GNB4: variants seen among roughly 807,000 people sequenced by gnomAD.
The protein encoded by GNB4 is guanine nucleotide-binding protein subunit beta-4.
A neutral mutation model predicts 45.2 loss-of-function variants in GNB4; 28 were observed. That is an observed-to-expected ratio of 0.62 (90% CI 0.46 to 0.85). The LOEUF (loss-of-function observed/expected upper bound fraction) is 0.85, where lower values mean the gene tolerates loss of function less well. GNB4 is among the 40% of genes least tolerant of loss of function. The pLI is 0.00. For synonymous variants in GNB4, 132 were observed against 143.7 expected, an observed-to-expected ratio of 0.92 and a Z score of 0.58; for missense variants, 321 against 425.4, an observed-to-expected ratio of 0.75 and a Z score of 2.16.
chr3:179,399,765 GAAAAGTAACTAAGTTAC>G lies in GNB4; in HGVS notation c.*1431_*1447del, dbSNP rs1714230499. The G allele has an allele frequency of 6.6e-6, 1 of 152,146 alleles. No individual in the cohort carries two copies. The highest frequency in any genetic ancestry group is 1.9e-4 in the East Asian group (1 of 5,202). 9.4% of individuals were successfully genotyped at this position (152,146 alleles called of 1,614,324 possible). A position where few individuals can be genotyped will look rare whatever the true frequency, so the allele number is the denominator to read the frequency against. ...TTCAAAAGTTAACACAGACCTATCT[GAAAAGTAACTAAGTTAC>G]AAAACAATGCACGTCTATATATCAG... On this transcript the variant is annotated 3_prime_UTR_variant, in exon 10 of 10. Transcript: ENST00000232564.
At chr3:179,460,346 T>C in the GNB4 span, among the ~76,000 whole-genome samples, 2 of 152,230 alleles carry the variant, frequency 1.3e-5, no homozygotes, top group African/African-American at 4.8e-5. Context: ...ATAATCAAAA[T>C]CAGATTTCAA....
the GNB4 span, among the ~76,000 whole-genome samples, chr3:179,517,914 C>T: frequency 1.3e-5 from 2 of 152,198 alleles, no homozygotes; most frequent in African/African-American, 4.8e-5. Context: ...GGACGCCTGC[C>T]TTGGTCCTTC....
At chr3:179,464,321 C>G in the GNB4 span, 1 of 656,836 alleles carries the variant, frequency 1.5e-6, no homozygotes, top group African/African-American at 1.8e-5. Context: ...TTAAACAGGT[C>G]CCGGCGCAGT....
At chr3:179,514,631 T>G in the GNB4 span, among the ~76,000 whole-genome samples, 1 of 152,160 alleles carries the variant, frequency 6.6e-6, no homozygotes, top group African/African-American at 2.4e-5. Context: ...CTAATAGGAC[T>G]GGGTGTCCTA....
chr3:179,411,104 T>A (rs187022687), intron 8 of GNB4, among the ~76,000 whole-genome samples: 181 of 152,234 alleles, frequency 1.2e-3, no homozygotes, highest in Non-Finnish European at 2.3e-3. Flanking sequence ...GTTAATGAAA[T>A]TAATAATCAC....
At chr3:179,442,059 G>A (rs569739885) in intron 1 of GNB4, among the ~76,000 whole-genome samples, 1 of 152,200 alleles carries the variant, frequency 6.6e-6, no homozygotes, top group African/African-American at 2.4e-5. Context: ...CACATGTCTC[G>A]GCCTCCCAAA....
intron 1 of GNB4, among the ~76,000 whole-genome samples, chr3:179,436,544 C>T (rs1350511611): frequency 2.6e-5 from 4 of 151,924 alleles, no homozygotes; most frequent in African/African-American, 9.7e-5. Context: ...TCTTACACTC[C>T]ATAATTTTTA....
the GNB4 span, among the ~76,000 whole-genome samples, chr3:179,516,088 T>G: frequency 3.9e-5 from 6 of 152,160 alleles, no homozygotes; most frequent in African/African-American, 1.4e-4. Context: ...TCAGTGCAAT[T>G]ACTTGCTTGA....
the GNB4 span, among the ~76,000 whole-genome samples, chr3:179,481,487 T>C: frequency 6.6e-6 from 1 of 152,026 alleles, no homozygotes; most frequent in African/African-American, 2.4e-5. Context: ...AAGCTTCTTT[T>C]ATAAAAAACT....
the GNB4 span, among the ~76,000 whole-genome samples, chr3:179,490,972 A>T: frequency 4.9e-3 from 748 of 152,336 alleles, 6 homozygotes; most frequent in African/African-American, 0.017. Flanking sequence ...GCATTGGAAG[A>T]ATAAGTACAA....
chr3:179,513,978 C>T, the GNB4 span, among the ~76,000 whole-genome samples: 1 of 152,200 alleles, frequency 6.6e-6, no homozygotes, highest in African/African-American at 2.4e-5. Flanking sequence ...TTCATTTACT[C>T]ATTCAACACA....
intron 1 of GNB4, among the ~76,000 whole-genome samples, chr3:179,436,307 T>C (rs1715447208): frequency 6.6e-6 from 1 of 152,124 alleles, no homozygotes; most frequent in Non-Finnish European, 1.5e-5. Context: ...GGAGAATCGC[T>C]TGAATCCAGG....
At chr3:179,436,913 T>A (rs1386812640) in intron 1 of GNB4, among the ~76,000 whole-genome samples, 1 of 152,164 alleles carries the variant, frequency 6.6e-6, no homozygotes, top group African/African-American at 2.4e-5. Flanking sequence ...TTCCAGGAAA[T>A]AAATAAGGCA....
the GNB4 span, among the ~76,000 whole-genome samples, chr3:179,508,207 G>A: frequency 2.6e-5 from 4 of 152,086 alleles, no homozygotes; most frequent in African/African-American, 4.8e-5. Flanking sequence ...GGCTGGTCTC[G>A]AACTGCTGGC....
intron 2 of GNB4, among the ~76,000 whole-genome samples, chr3:179,421,585 T>G (rs938499858): frequency 2.6e-5 from 4 of 152,230 alleles, no homozygotes; most frequent in African/African-American, 9.6e-5. Flanking sequence ...TATACAGTGT[T>G]TAAGTACTTG....
At chr3:179,462,610 G>T in the GNB4 span, among the ~76,000 whole-genome samples, 3 of 152,046 alleles carry the variant, frequency 2.0e-5, no homozygotes, top group African/African-American at 7.2e-5. Context: ...AGGCCGAGGC[G>T]GGCAAATCAC....
the GNB4 span, among the ~76,000 whole-genome samples, chr3:179,499,020 G>T: frequency 2.2e-4 from 34 of 152,000 alleles, no homozygotes; most frequent in East Asian, 6.2e-3. Flanking sequence ...TGCAGTGTTT[G>T]GTTTTCTGTT....
the GNB4 span, among the ~76,000 whole-genome samples, chr3:179,494,161 C>T: frequency 6.6e-6 from 1 of 152,232 alleles, no homozygotes; most frequent in Admixed American, 6.5e-5. Context: ...GGACCTGTGG[C>T]ATTCTGAACT....
At chr3:179,471,290 T>C in the GNB4 span, among the ~76,000 whole-genome samples, 4 of 152,180 alleles carry the variant, frequency 2.6e-5, no homozygotes, top group Non-Finnish European at 4.4e-5. Context: ...AAGTCTGTAG[T>C]AGTGCACAGT....
Sources: allele counts gnomAD v4.1 joint callset (sites outside exome capture counted in the v4.1 genomes callset), GRCh38; gene constraint gnomAD v4.1.1; transcripts MANE v1.5; gene names NCBI Gene and HGNC (gene_info 2026-07-23, HGNC 2026-07-21).